Variants in NEBL observed in about 807,000 individuals in gnomAD.
The protein encoded by NEBL is LIM and SH3 protein 2.
NEBL carries 122 observed loss-of-function variants against 140.2 expected under a neutral mutation model. That is an observed-to-expected ratio of 0.87 (90% CI 0.75 to 1.01). The LOEUF is 1.01. Among genes scored for constraint, NEBL ranks in the 50% least tolerant of loss-of-function variants. The pLI, the probability that NEBL is intolerant of heterozygous loss-of-function variation, is 0.00. For synonymous variants in NEBL, 436 were observed against 398.9 expected (o/e 1.09, Z -1.11); for missense variants, 1,365 against 1,231.3 (o/e 1.11, Z -1.62).
chr10:21,221,146 T>C (rs1842060492), intron 3 of NEBL, among the ~76,000 whole-genome samples: 1 of 152,136 alleles, frequency 6.6e-6, no homozygotes, highest in Non-Finnish European at 1.5e-5. Flanking sequence ...AGGGAGAGAC[T>C]CTACCTCAAA....
At chr10:20,980,867 C>T (rs542256270) in intron 3 of NEBL, among the ~76,000 whole-genome samples, 1 of 152,334 alleles carries the variant, frequency 6.6e-6, no homozygotes, top group African/African-American at 2.4e-5. Flanking sequence ...TTCCTTCTAA[C>T]AGGCAAGAAT....
At chr10:21,103,505 A>T (rs1229688222) in intron 2 of NEBL, among the ~76,000 whole-genome samples, 1 of 152,044 alleles carries the variant, frequency 6.6e-6, no homozygotes, top group Non-Finnish European at 1.5e-5. Context: ...GAGCCACCGC[A>T]CCAGGCCTTT....
chr10:20,828,430 A>T, intron 17 of NEBL, 100 bp downstream of exon 17: 1 of 758,720 alleles, frequency 1.3e-6, no homozygotes, highest in Non-Finnish European at 2.4e-6. Flanking sequence ...CAGAAAATTC[A>T]ACTAAGACAG....
intron 4 of NEBL, among the ~76,000 whole-genome samples, chr10:20,912,443 C>T (rs1848368677): frequency 6.6e-6 from 1 of 152,156 alleles, no homozygotes; most frequent in African/African-American, 2.4e-5. Flanking sequence ...TGAATGAGAC[C>T]TTGTCTTTAA....
chr10:20,785,582 G>T lies in NEBL; in HGVS notation c.*165C>A. ...ATTACTGAAAATGCTGCTGTTTTCAGCCCAGAGGTCATTCCTTCTTCCTGG... is the reference window on the plus strand; with the variant it reads ...ATTACTGAAAATGCTGCTGTTTTCATCCCAGAGGTCATTCCTTCTTCCTGG... On this transcript the variant is annotated 3_prime_UTR_variant, in exon 28 of 28. Transcript: ENST00000377122. 2 of 798,560 alleles carry T rather than the reference G, an allele frequency of 2.5e-6. No individual in the cohort carries two copies. The highest frequency in any genetic ancestry group is 4.1e-6 in the Non-Finnish European group (2 of 493,240). 49.5% of individuals were successfully genotyped at this position (798,560 alleles called of 1,614,324 possible).
chr10:21,013,744 G>T (rs186503345), intron 3 of NEBL, among the ~76,000 whole-genome samples: 1 of 152,222 alleles, frequency 6.6e-6, no homozygotes, highest in Non-Finnish European at 1.5e-5. Context: ...TAGGCGTAGT[G>T]GTGCGCACCT....
At chr10:20,804,065 T>A (rs1206481769) in intron 26 of NEBL, among the ~76,000 whole-genome samples, 2 of 152,066 alleles carry the variant, frequency 1.3e-5, no homozygotes, top group Non-Finnish European at 2.9e-5. Context: ...AGTTGCTGAA[T>A]GCCTATTCTA....
intron 3 of NEBL, among the ~76,000 whole-genome samples, chr10:20,995,405 C>T (rs1025083070): frequency 1.3e-5 from 2 of 152,088 alleles, no homozygotes; most frequent in African/African-American, 4.8e-5. Flanking sequence ...CAATCACTGT[C>T]ATTTTTGTAC....
chr10:20,916,100 A>C (rs1489408179), intron 4 of NEBL, among the ~76,000 whole-genome samples: 2 of 152,204 alleles, frequency 1.3e-5, no homozygotes, highest in African/African-American at 4.8e-5. Context: ...AGTAAAACAC[A>C]ATGAATCACG....
chr10:21,132,206 C>CT (rs1839144936), intron 2 of NEBL, among the ~76,000 whole-genome samples: 1 of 152,144 alleles, frequency 6.6e-6, no homozygotes, highest in African/African-American at 2.4e-5. Context: ...TTTGCCTGTC[C>CT]TGCACATTTC....
At chr10:21,088,881 T>C (rs891553280) in intron 2 of NEBL, among the ~76,000 whole-genome samples, 3 of 152,166 alleles carry the variant, frequency 2.0e-5, no homozygotes, top group Admixed American at 6.5e-5. Context: ...CTAGAAGAGC[T>C]GGAGACTTTC....
chr10:20,863,106 C>T (rs556159255), intron 7 of NEBL, among the ~76,000 whole-genome samples: 203 of 152,222 alleles, frequency 1.3e-3, no homozygotes, highest in African/African-American at 4.8e-3. Flanking sequence ...AACACGGATA[C>T]TGTTAAGCTA....
At chr10:21,279,539 G>A (rs1382707732) in intron 1 of NEBL, among the ~76,000 whole-genome samples, 2 of 151,672 alleles carry the variant, frequency 1.3e-5, no homozygotes, top group Non-Finnish European at 2.9e-5. Context: ...GGCCAAGAAG[G>A]GCGGATCACT....
chr10:21,176,944 G>C (rs776472852), upstream of NEBL, among the ~76,000 whole-genome samples: 6 of 152,150 alleles, frequency 3.9e-5, no homozygotes, highest in Non-Finnish European at 5.9e-5. Flanking sequence ...TACATAAATT[G>C]AACTCCAAAT....
intron 19 of NEBL, among the ~76,000 whole-genome samples, chr10:20,822,946 C>A (rs942880255): frequency 3.3e-5 from 5 of 152,238 alleles, no homozygotes; most frequent in Non-Finnish European, 7.4e-5. Context: ...ACCCTCCTAC[C>A]TTTTGGAGTC....
At chr10:20,920,661 A>T (rs1833538261) in intron 4 of NEBL, among the ~76,000 whole-genome samples, 1 of 152,210 alleles carries the variant, frequency 6.6e-6, no homozygotes, top group Non-Finnish European at 1.5e-5. Flanking sequence ...AATATTTACC[A>T]AGTAAAGGTC....
At position 20,840,659 on chromosome 10, in the gene NEBL, T is replaced by C. The variant is rs41277368; in HGVS notation, c.1338+80A>G. ...CTTACATATAAAAGTTATAGATGTA[T>C]AGAACCTTTGAGAAAGATTGACAAA... On this transcript the variant is annotated intron_variant, in intron 13 of 27. Coordinates refer to ENST00000377122, the MANE Select transcript of NEBL (RefSeq NM_006393.3). 69,996 of 943,992 alleles carry C rather than the reference T, an allele frequency of 0.074. 3,052 individuals are homozygous for C. Among genetic ancestry groups the C allele is most frequent in the Middle Eastern group, 0.17 (783 of 4,696 alleles). 58.5% of individuals were successfully genotyped at this position (943,992 alleles called of 1,614,324 possible).
At chr10:21,183,321 A>G (rs1841414226) in intron 3 of NEBL, among the ~76,000 whole-genome samples, 2 of 152,170 alleles carry the variant, frequency 1.3e-5, no homozygotes, top group Non-Finnish European at 2.9e-5. Flanking sequence ...GGAAGGAAAG[A>G]AAGGCGTGAG....
intron 2 of NEBL, among the ~76,000 whole-genome samples, chr10:21,076,171 G>A (rs772924084): frequency 6.6e-5 from 10 of 151,908 alleles, no homozygotes; most frequent in Admixed American, 4.6e-4. Context: ...AACCAGGCAC[G>A]GTGGCTTACA....
Sources: allele counts gnomAD v4.1 joint callset (sites outside exome capture counted in the v4.1 genomes callset), GRCh38; gene constraint gnomAD v4.1.1; transcripts MANE v1.5; gene names NCBI Gene and HGNC (gene_info 2026-07-23, HGNC 2026-07-21).